The following ZNF76 variants were observed in gnomAD, a reference collection of about 807,000 sequenced individuals.
ZNF76 encodes zinc finger protein 523.
ZNF76 carries 66 observed loss-of-function variants against 66.9 expected under a neutral mutation model. The ratio of observed to expected loss-of-function variants is 0.99; its 90% CI spans 0.81 to 1.21. The LOEUF is 1.21. Ranked by LOEUF, ZNF76 falls within the 50% of genes most tolerant of loss-of-function variation. The probability of loss-of-function intolerance (pLI) is 0.00; values close to 1 mark genes in which losing one functional copy is unlikely to be tolerated. For synonymous variants in ZNF76, 275 were observed against 296.1 expected (o/e 0.93, Z 0.73); for missense variants, 729 against 760.3 (o/e 0.96, Z 0.48).
intron 7 of ZNF76, chr6:35,290,969 G>C: frequency 6.7e-6 from 4 of 596,494 alleles, no homozygotes; most frequent in Non-Finnish European, 1.2e-5. Flanking sequence ...ATGCCAACCA[G>C]CTGTGGATTA....
chr6:35,266,130 A>G (rs1300071505), intron 1 of ZNF76, among the ~76,000 whole-genome samples: 2 of 151,156 alleles, frequency 1.3e-5, no homozygotes, highest in Non-Finnish European at 2.9e-5. Context: ...TGTGATATAT[A>G]AAAGAAATAG....
chr6:35,267,583 T>C lies in ZNF76; in HGVS notation c.-97+7742T>C, dbSNP rs1024088156. On this transcript the variant is annotated intron_variant, in intron 1 of 13. Transcript: ENST00000373953. ...TTTCTTCCTTCATTCGCTGAAGTAA[T>C]ACCCAGTGAGTGCCTGCCATGTGGT... Among the ~76,000 whole-genome samples the C allele has an allele frequency of 9.8e-5, 15 of 152,334 alleles. No individual in the cohort carries two copies. In the East Asian group the frequency reaches 2.9e-3, roughly 29 times the overall value.
In ZNF76 at chr6:35,287,141, T is replaced by C. The variant is rs942574538; in HGVS notation, c.233-505T>C. On this transcript the variant is annotated intron_variant, in intron 4 of 13. Coordinates refer to ENST00000373953, the MANE Select transcript of ZNF76 (RefSeq NM_003427.5). This position sits in a 1 kb window ranked among gnomAD's most constrained non-coding sequence, Gnocchi z 4.0. Reference sequence around the variant, plus strand: ...CTGCTAGGAGCTAGAGCCCTGGGAGTGAAGGCAGAATGAGCAGGAGGAAAC... The same window carrying C: ...CTGCTAGGAGCTAGAGCCCTGGGAGCGAAGGCAGAATGAGCAGGAGGAAAC... 2.0e-5 allele frequency among the ~76,000 whole-genome samples: 3 copies of C among 151,660 alleles called. No individual in the cohort carries two copies. Among genetic ancestry groups the C allele is most frequent in the Non-Finnish European group, 4.4e-5 (3 of 67,912 alleles).
chr6:35,290,810 C>G, intron 7 of ZNF76, 94 bp downstream of exon 7: 1 of 1,181,916 alleles, frequency 8.5e-7, no homozygotes, highest in Admixed American at 1.8e-5. Flanking sequence ...AGGCTGCTTT[C>G]CTGGAGAAAC....
intron 1 of ZNF76, among the ~76,000 whole-genome samples, chr6:35,273,842 CGCT>C: frequency 7.6e-6 from 1 of 131,196 alleles, no homozygotes; most frequent in African/African-American, 3.2e-5. Flanking sequence ...TTTTAAATGG[CGCT>C]TCTTCTTTTA....
At chr6:35,288,545 T>C (rs950689385) in intron 5 of ZNF76, among the ~76,000 whole-genome samples, 2 of 152,246 alleles carry the variant, frequency 1.3e-5, no homozygotes, top group African/African-American at 4.8e-5. Context: ...GTGCCAGGGC[T>C]TCCTGCACGT....
At chr6:35,284,693 G>T (rs777907542) in intron 2 of ZNF76, among the ~76,000 whole-genome samples, 1 of 150,588 alleles carries the variant, frequency 6.6e-6, no homozygotes, top group Non-Finnish European at 1.5e-5. Context: ...AAGCCACCGT[G>T]CCCAGCCTTT....
In ZNF76 at chr6:35,295,404, A is replaced by G; in HGVS notation, c.*156A>G. The G allele has an allele frequency of 2.8e-6, 2 of 705,464 alleles. No individual in the cohort carries two copies. Among genetic ancestry groups the G allele is most frequent in the East Asian group, 2.7e-5 (1 of 36,404 alleles). 43.7% of individuals were successfully genotyped at this position (705,464 alleles called of 1,614,324 possible). On this transcript the variant is annotated 3_prime_UTR_variant, in exon 14 of 14. Transcript: ENST00000373953. ...CAAGAAAACTGCCTAACTGAAGGGAATGGGGGCCCTGCTCAAGAAGGGGGC... is the reference window on the plus strand; with the variant it reads ...CAAGAAAACTGCCTAACTGAAGGGAGTGGGGGCCCTGCTCAAGAAGGGGGC...
At chr6:35,284,435 G>A (rs1789246599) in intron 2 of ZNF76, among the ~76,000 whole-genome samples, 1 of 150,676 alleles carries the variant, frequency 6.6e-6, no homozygotes, top group Admixed American at 6.6e-5. Flanking sequence ...ACCTCACTCT[G>A]TCACCCAGGC....
chr6:35,266,368 G>T (rs1360721371), intron 1 of ZNF76, among the ~76,000 whole-genome samples: 1 of 152,024 alleles, frequency 6.6e-6, no homozygotes, highest in Non-Finnish European at 1.5e-5. Flanking sequence ...TGCCAGGCTG[G>T]TCTCAAACTC....
chr6:35,284,183 C>T (rs1364239128), intron 2 of ZNF76, among the ~76,000 whole-genome samples: 1 of 152,030 alleles, frequency 6.6e-6, no homozygotes, highest in African/African-American at 2.4e-5. Context: ...CCTTCGCCTC[C>T]CGGGTTCAAG....
chr6:35,288,240 T>G (rs1262479853), intron 5 of ZNF76: 5 of 409,804 alleles, frequency 1.2e-5, no homozygotes, highest in African/African-American at 4.1e-5. Flanking sequence ...AGCTTTCTAG[T>G]CCACTGAGGT....
intron 2 of ZNF76, 146 bp downstream of exon 2, chr6:35,281,370 CT>C (rs1788749273): frequency 2.9e-6 from 2 of 692,456 alleles, no homozygotes; most frequent in Admixed American, 5.0e-5. Flanking sequence ...TTAGAATCTC[CT>C]GTGGTGCTTG....
chr6:35,282,318 G>A (rs548261532), intron 2 of ZNF76, among the ~76,000 whole-genome samples: 1 of 151,516 alleles, frequency 6.6e-6, no homozygotes, highest in Admixed American at 6.6e-5. Flanking sequence ...AAAAAAGTAG[G>A]GGGTGTTAAA....
chr6:35,259,553 C>A (rs577983919), upstream of ZNF76: 165 of 152,350 alleles, frequency 1.1e-3, no homozygotes, highest in South Asian at 1.4e-3. Context: ...GTTCAGATCC[C>A]GGCCGCCTGG....
chr6:35,294,602 A>G, intron 13 of ZNF76, 33 bp downstream of exon 13: 2 of 1,455,866 alleles, frequency 1.4e-6, no homozygotes, highest in South Asian at 2.3e-5. Context: ...AGGGGATCCC[A>G]CGGCCAGAGA....
chr6:35,268,896 T>G (rs1282030550), intron 1 of ZNF76, among the ~76,000 whole-genome samples: 1 of 152,094 alleles, frequency 6.6e-6, no homozygotes, highest in Non-Finnish European at 1.5e-5. Context: ...GCCAACAAAC[T>G]TCAAATGCCT....
Position 35,289,490 on chromosome 6 carries a change from A to G in ZNF76, c.433-776A>G, listed in dbSNP as rs908024516. ...AGTTCAGTTTCAGGAGCTCCTGGAAAGACCAGAGTGTGATTCTGAAGCATT... is the reference window on the plus strand; with the variant it reads ...AGTTCAGTTTCAGGAGCTCCTGGAAGGACCAGAGTGTGATTCTGAAGCATT... On this transcript the variant is annotated intron_variant, in intron 5 of 13. Transcript: ENST00000373953. Among the ~76,000 whole-genome samples the G allele has an allele frequency of 2.0e-5, 3 of 152,324 alleles. No homozygotes were observed. In the East Asian group the frequency reaches 5.8e-4, roughly 29 times the overall value.
chr6:35,271,821 G>A (rs1562094885), intron 1 of ZNF76, among the ~76,000 whole-genome samples: 2 of 152,188 alleles, frequency 1.3e-5, no homozygotes, highest in African/African-American at 2.4e-5. Context: ...AGGCACAGTG[G>A]CTGATGCCTA....
Sources: allele counts gnomAD v4.1 joint callset (sites outside exome capture counted in the v4.1 genomes callset), GRCh38; gene constraint gnomAD v4.1.1; non-coding constraint Gnocchi (gnomAD v3.1); transcripts MANE v1.5; gene names NCBI Gene and HGNC (gene_info 2026-07-23, HGNC 2026-07-21).